DIAPH2: variants seen among roughly 807,000 people sequenced by gnomAD.
DIAPH2 encodes the protein protein diaphanous homolog 2.
In DIAPH2, 35 loss-of-function variants were observed where a neutral mutation model predicts 92.7. The observed-to-expected ratio is 0.38, with a 90% CI of 0.29 to 0.50. The LOEUF (loss-of-function observed/expected upper bound fraction) is 0.50. Ranked by LOEUF, DIAPH2 falls within the 20% of genes least tolerant of loss-of-function variation. The probability of loss-of-function intolerance (pLI) is 0.94; values close to 1 mark genes in which losing one functional copy is unlikely to be tolerated. For synonymous variants in DIAPH2, 301 were observed against 280.4 expected (o/e 1.07, Z -0.73); for missense variants, 701 against 819.5 (o/e 0.86, Z 1.77).
chrX:97,052,801 G>C (rs182702161), intron 17 of DIAPH2, among the ~76,000 whole-genome samples: 1 of 111,225 alleles, frequency 9.0e-6, no homozygotes, highest in African/African-American at 3.3e-5. Context: ...GACTATTTTA[G>C]GGCCTAGCAT....
chrX:97,417,092 G>T (rs1453770571), intron 25 of DIAPH2, among the ~76,000 whole-genome samples: 1 of 112,152 alleles, frequency 8.9e-6, no homozygotes, highest in African/African-American at 3.2e-5. Context: ...TACAGGACTT[G>T]AAAGGAAGAT....
intron 1 of DIAPH2, among the ~76,000 whole-genome samples, chrX:96,713,334 A>G (rs2063930324): frequency 9.0e-6 from 1 of 110,684 alleles, no homozygotes; most frequent in Non-Finnish European, 1.9e-5. Flanking sequence ...TTTTTTTAAG[A>G]TGAACTCTAT....
At chrX:96,841,324 A>G in intron 4 of DIAPH2, among the ~76,000 whole-genome samples, 1 of 112,343 alleles carries the variant, frequency 8.9e-6, no homozygotes, top group Non-Finnish European at 1.9e-5. Context: ...AGAATTGGGA[A>G]AATAGAGAAA....
At chrX:97,357,659 C>T (rs2069280774) in intron 24 of DIAPH2, among the ~76,000 whole-genome samples, 1 of 111,818 alleles carries the variant, frequency 8.9e-6, no homozygotes, top group Non-Finnish European at 1.9e-5. Flanking sequence ...GGGTCAAACA[C>T]AGTGCTGATC....
intron 23 of DIAPH2, among the ~76,000 whole-genome samples, chrX:97,320,106 A>C (rs992973153): frequency 9.5e-6 from 1 of 105,796 alleles, no homozygotes; most frequent in Non-Finnish European, 1.9e-5. Flanking sequence ...TCTCAAAAAA[A>C]AAATATATAT....
intron 17 of DIAPH2, among the ~76,000 whole-genome samples, chrX:96,973,554 A>T (rs2147833580): frequency 9.0e-6 from 1 of 111,614 alleles, no homozygotes; most frequent in Admixed American, 9.5e-5. Flanking sequence ...AATAGCAGAA[A>T]CTGCAATTCC....
intron 16 of DIAPH2, among the ~76,000 whole-genome samples, chrX:96,962,328 T>TATATATATACACAC (rs1569436457): frequency 2.9e-5 from 2 of 69,639 alleles, no homozygotes; most frequent in African/African-American, 1.3e-4. Flanking sequence ...TATATACACA[T>TATATATATACACAC]ATATATATAC....
intron 5 of DIAPH2, among the ~76,000 whole-genome samples, chrX:96,889,234 G>T (rs1469722486): frequency 9.0e-6 from 1 of 110,941 alleles, no homozygotes; most frequent in Non-Finnish European, 1.9e-5. Context: ...TTAAAAGATC[G>T]TCTGAAATTC....
At chrX:97,056,727 G>T (rs1167344379) in intron 17 of DIAPH2, among the ~76,000 whole-genome samples, 1 of 111,945 alleles carries the variant, frequency 8.9e-6, no homozygotes, top group Non-Finnish European at 1.9e-5. Flanking sequence ...AGTGTTTGTA[G>T]AGGGGGCCAT....
chrX:97,018,043 G>A (rs1347569429), intron 17 of DIAPH2, among the ~76,000 whole-genome samples: 2 of 112,415 alleles, frequency 1.8e-5, no homozygotes, highest in Non-Finnish European at 3.8e-5. Context: ...AGATGTTTTA[G>A]CATTTGCATT....
intron 4 of DIAPH2, among the ~76,000 whole-genome samples, chrX:96,809,677 C>T (rs184232042): frequency 1.4e-4 from 16 of 111,015 alleles, no homozygotes; most frequent in African/African-American, 4.3e-4. Flanking sequence ...TGCTCCCCAC[C>T]CCATGACAGG....
intron 8 of DIAPH2, 59 bp downstream of exon 8, chrX:96,916,633 A>G (rs2065506834): frequency 9.4e-7 from 1 of 1,067,049 alleles, no homozygotes. Flanking sequence ...AGAAATTAAT[A>G]AGTCCTACTT....
At chrX:97,533,896 A>G (rs910105716) in intron 26 of DIAPH2, among the ~76,000 whole-genome samples, 2 of 111,705 alleles carry the variant, frequency 1.8e-5, no homozygotes, top group Non-Finnish European at 3.8e-5. Flanking sequence ...TCCTTTGACA[A>G]TGTTCTAATA....
chrX:96,939,954 C>A, intron 12 of DIAPH2, among the ~76,000 whole-genome samples: 1 of 87,220 alleles, frequency 1.1e-5, no homozygotes, highest in Admixed American at 1.1e-4. Context: ...TGAGCCACCG[C>A]GCCCGGCCCA....
At chrX:96,989,803 C>A (rs2066056671) in intron 17 of DIAPH2, among the ~76,000 whole-genome samples, 3 of 111,510 alleles carry the variant, frequency 2.7e-5, no homozygotes, top group Admixed American at 1.9e-4. Flanking sequence ...CCACTAGTTT[C>A]CCTTCTGTTT....
intron 26 of DIAPH2, among the ~76,000 whole-genome samples, chrX:97,480,986 A>G (rs943334002): frequency 1.8e-5 from 2 of 112,193 alleles, no homozygotes; most frequent in Non-Finnish European, 3.8e-5. Flanking sequence ...CCCCATTGGG[A>G]ATAATCTCTC....
chrX:97,137,265 T>TTA lies in DIAPH2; in HGVS notation c.2590-4397_2590-4396dup, dbSNP rs748631722. Among the ~76,000 whole-genome samples, 22 of 30,067 alleles carry TTA rather than the reference T, an allele frequency of 7.3e-4. No individual in the cohort carries two copies. The East Asian group carries it at 0.027, about 37-fold the overall frequency. The allele number at this position is 30,067 out of a possible 115,157, so 26.1% of individuals were successfully genotyped here. On this transcript the variant is annotated intron_variant, in intron 21 of 26. Transcript: ENST00000324765. ...GTGGTGGGGTCATATATAAACGCAG[T>TTA]TATACATATATATATATATATATAT...
intron 9 of DIAPH2, among the ~76,000 whole-genome samples, chrX:96,920,655 A>G (rs2065536330): frequency 8.9e-6 from 1 of 111,937 alleles, no homozygotes; most frequent in Non-Finnish European, 1.9e-5. Flanking sequence ...GCCTCTGCCA[A>G]TGAGTAGTTC....
At chrX:97,233,422 G>A (rs759301323) in intron 22 of DIAPH2, among the ~76,000 whole-genome samples, 2 of 112,024 alleles carry the variant, frequency 1.8e-5, no homozygotes, top group East Asian at 2.8e-4. Flanking sequence ...AACAAGATAC[G>A]TTTTATAGGA....
Sources: allele counts gnomAD v4.1 joint callset (sites outside exome capture counted in the v4.1 genomes callset), GRCh38; gene constraint gnomAD v4.1.1; transcripts MANE v1.5; gene names NCBI Gene and HGNC (gene_info 2026-07-23, HGNC 2026-07-21).